GLT1D1: variants seen among roughly 807,000 people sequenced by gnomAD.
GLT1D1 encodes glycosyltransferase 1 domain containing 1.
A neutral mutation model predicts 28.7 loss-of-function variants in GLT1D1; 21 were observed. The observed-to-expected ratio is 0.73, with a 90% confidence interval of 0.52 to 1.05. The LOEUF (loss-of-function observed/expected upper bound fraction) is 1.05. Ranked by LOEUF, GLT1D1 falls within the 50% of genes least tolerant of loss-of-function variation. GLT1D1 has a pLI of 0.00. For synonymous variants in GLT1D1, 147 were observed against 124.8 expected (o/e 1.18, Z -1.19); for missense variants, 343 against 330.6 (o/e 1.04, Z -0.29).
At chr12:128,965,298 C>T (rs1036112605) in intron 7 of GLT1D1, among the ~76,000 whole-genome samples, 40 of 152,132 alleles carry the variant, frequency 2.6e-4, no homozygotes, top group African/African-American at 6.3e-4. Flanking sequence ...GAGCTGGGGG[C>T]GACCCCTGGT....
At chr12:128,865,533 A>G (rs924742237) in intron 1 of GLT1D1, among the ~76,000 whole-genome samples, 9 of 152,140 alleles carry the variant, frequency 5.9e-5, no homozygotes, top group African/African-American at 2.2e-4. Context: ...GAAATAAAAA[A>G]CAACACAGGC....
At chr12:128,912,377 G>A (rs1871628977) in intron 4 of GLT1D1, 47 bp from the exon 5 acceptor site, 1 of 1,299,480 alleles carries the variant, frequency 7.7e-7, no homozygotes, top group Non-Finnish European at 1.1e-6. Flanking sequence ...CAGTTGTCAT[G>A]CACTGTCCAA....
At chr12:128,891,129 TA>T (rs1869009505) in intron 3 of GLT1D1, among the ~76,000 whole-genome samples, 1 of 150,636 alleles carries the variant, frequency 6.6e-6, no homozygotes, top group Non-Finnish European at 1.5e-5. Context: ...TTTAATTAAT[TA>T]AAAAAATAAA....
At chr12:128,876,146 G>A in intron 2 of GLT1D1, 84 bp downstream of exon 2, 1 of 1,243,290 alleles carries the variant, frequency 8.0e-7, no homozygotes, top group Admixed American at 2.3e-5. Flanking sequence ...ACGGGAAACA[G>A]TGTCTCCTTT....
intron 4 of GLT1D1, among the ~76,000 whole-genome samples, chr12:128,910,054 T>C (rs892008804): frequency 1.3e-5 from 2 of 152,258 alleles, no homozygotes; most frequent in African/African-American, 4.8e-5. Context: ...ATTGCAATGA[T>C]TACAAATAAC....
intron 3 of GLT1D1, among the ~76,000 whole-genome samples, chr12:128,899,027 C>T: frequency 6.6e-6 from 1 of 152,178 alleles, no homozygotes; most frequent in East Asian, 1.9e-4. Context: ...TTTTGAGCTT[C>T]GTTTGGTTTA....
rs182817526 is a variant in GLT1D1 at position 128,902,377 on chromosome 12, C to T, written c.375+3090C>T. ...GCGTGCCTGTAATCCCAGCTACTTT[C>T]GGGAGGCTGAGGCAGGAGAATCGCT... On this transcript the variant is annotated intron_variant, in intron 4 of 7. Transcript: ENST00000281703. Among the ~76,000 whole-genome samples, 102 of 150,300 alleles carry T rather than the reference C, an allele frequency of 6.8e-4. 1 individual carries two copies. In the South Asian group the frequency reaches 7.6e-3, roughly 11 times the overall value.
chr12:128,953,349 TA>T (rs1194569266), intron 6 of GLT1D1, among the ~76,000 whole-genome samples: 5 of 152,010 alleles, frequency 3.3e-5, no homozygotes, highest in East Asian at 3.9e-4. Context: ...TTTATTATTT[TA>T]TTTTTTTGTA....
At chr12:128,875,766 C>G in intron 1 of GLT1D1, 148 bp from the exon 2 acceptor site, 1 of 766,348 alleles carries the variant, frequency 1.3e-6, no homozygotes, top group Admixed American at 2.4e-5. Context: ...CACCATTGCT[C>G]CCCAGCCTGG....
At chr12:128,903,416 G>A (rs889274777) in intron 4 of GLT1D1, among the ~76,000 whole-genome samples, 1 of 151,726 alleles carries the variant, frequency 6.6e-6, no homozygotes, top group African/African-American at 2.4e-5. Flanking sequence ...GCAACTCAGC[G>A]GGTGGAGATA....
At chr12:128,931,917 G>A (rs842108) in intron 4 of GLT1D1, among the ~76,000 whole-genome samples, 1,533 of 140,942 alleles carry the variant, frequency 0.011, 26 homozygotes, top group African/African-American at 0.035. Flanking sequence ...ACACACGCAC[G>A]CACACACACA....
intron 6 of GLT1D1, among the ~76,000 whole-genome samples, chr12:128,956,946 C>G (rs1194249889): frequency 6.6e-6 from 1 of 152,250 alleles, no homozygotes; most frequent in African/African-American, 2.4e-5. Context: ...CCTTTCCGGG[C>G]AGGCGAGGCC....
At chr12:128,928,022 A>AAAAAAAAAAAAC (rs1873452124) in intron 4 of GLT1D1, among the ~76,000 whole-genome samples, 1 of 150,318 alleles carries the variant, frequency 6.7e-6, no homozygotes, top group Non-Finnish European at 1.5e-5. Flanking sequence ...AAAAAAAAAA[A>AAAAAAAAAAAAC]AAACAAAAAA....
chr12:128,898,181 T>G (rs1869866570), intron 3 of GLT1D1, among the ~76,000 whole-genome samples: 1 of 152,042 alleles, frequency 6.6e-6, no homozygotes, highest in South Asian at 2.1e-4. Context: ...TTCCTTTTCC[T>G]TCTTCCTTTC....
chr12:128,874,126 CTTTCTTTCTTTCTT>C (rs1345538572), intron 1 of GLT1D1, among the ~76,000 whole-genome samples: 402 of 37,936 alleles, frequency 0.011, 8 homozygotes, highest in Middle Eastern at 0.05. Context: ...CTCTCTCTCT[CTTTCTTTCTTTCTT>C]TCTTTCTTTC....
Position 128,915,255 on chromosome 12 carries a change from G to T in GLT1D1, c.375+15968G>T, listed in dbSNP as rs114688554. Among the ~76,000 whole-genome samples the T allele has an allele frequency of 1.1e-3, 169 of 151,974 alleles. 1 individual carries two copies. The highest frequency in any genetic ancestry group is 4.0e-3 in the African/African-American group (166 of 41,456). On this transcript the variant is annotated intron_variant, in intron 4 of 7. Transcript: ENST00000281703. ...TTCAGTATCATTTCCTGTGACATTT[G>T]TTCTTTATAAGAATAACAACCTCAT...
intron 5 of GLT1D1, among the ~76,000 whole-genome samples, chr12:128,946,325 A>G (rs932770706): frequency 3.9e-5 from 6 of 152,076 alleles, no homozygotes; most frequent in African/African-American, 1.2e-4. Flanking sequence ...TATCGTCTCT[A>G]GTATTTCTAT....
intron 4 of GLT1D1, among the ~76,000 whole-genome samples, chr12:128,929,988 C>T (rs897792683): frequency 1.3e-5 from 2 of 152,010 alleles, no homozygotes; most frequent in African/African-American, 2.4e-5. Flanking sequence ...AACAAACAAA[C>T]AAATAAAAAC....
chr12:128,871,221 G>A (rs958450161), intron 1 of GLT1D1, among the ~76,000 whole-genome samples: 1 of 152,104 alleles, frequency 6.6e-6, no homozygotes, highest in African/African-American at 2.4e-5. Context: ...TTCAACCATG[G>A]TCAGAAGCAT....
Sources: allele counts gnomAD v4.1 joint callset (sites outside exome capture counted in the v4.1 genomes callset), GRCh38; gene constraint gnomAD v4.1.1; transcripts MANE v1.5; gene names NCBI Gene and HGNC (gene_info 2026-07-23, HGNC 2026-07-21).